The following BIRC6 variants were observed in gnomAD, a reference collection of about 807,000 sequenced individuals.
The protein encoded by BIRC6 is dual E2 ubiquitin-conjugating enzyme/E3 ubiquitin-protein ligase BIRC6.
In BIRC6, 98 loss-of-function variants were observed where a neutral mutation model predicts 503.3. That is an observed-to-expected ratio of 0.19 (90% CI 0.17 to 0.23). The LOEUF (loss-of-function observed/expected upper bound fraction) is 0.23. Ranked by LOEUF, BIRC6 falls within the 10% of genes least tolerant of loss-of-function variation. The probability of loss-of-function intolerance (pLI) is 1.00; values close to 1 mark genes in which losing one functional copy is unlikely to be tolerated. For missense variants in BIRC6, 5,360 were observed against 5,806.0 expected (o/e 0.92, Z 2.50); for synonymous variants, 2,240 against 2,078.7 (o/e 1.08, Z -2.11).
At chr2:32,373,885 T>A (rs1455274957) in intron 1 of BIRC6, among the ~76,000 whole-genome samples, 1 of 152,214 alleles carries the variant, frequency 6.6e-6, no homozygotes, top group Non-Finnish European at 1.5e-5. Context: ...AAGGAAATTC[T>A]GACATAGGCT....
At chr2:32,498,843 A>T (rs750271887) in intron 45 of BIRC6, among the ~76,000 whole-genome samples, 2 of 152,148 alleles carry the variant, frequency 1.3e-5, no homozygotes, top group Non-Finnish European at 2.9e-5. Flanking sequence ...TCTCCTGAGT[A>T]GCTGGAATTA....
chr2:32,446,117 A>G (rs780276655), intron 21 of BIRC6, among the ~76,000 whole-genome samples: 19 of 152,172 alleles, frequency 1.2e-4, no homozygotes, highest in African/African-American at 4.3e-4. Context: ...CAGCCTCCCA[A>G]AGTGCTGGGA....
chr2:32,416,038 A>G lies in BIRC6; in HGVS notation c.2747A>G (p.Asp916Gly), dbSNP rs2042343823. Residue 916 changes from aspartate (D) to glycine (G), a missense_variant, in exon 10 of 74, where the codon GAT (aspartate) becomes GGT (glycine). Physicochemically the swap from Asp to Gly is moderately conservative, Grantham distance 94. Coordinates refer to ENST00000421745, the MANE Select transcript of BIRC6 (RefSeq NM_016252.4). Reference protein sequence around the residue: ...TTQGGYVKILDLSNFEILAKV... With the variant: ...TTQGGYVKILGLSNFEILAKV... ...CAGGGAGGATATGTAAAAATACTAG[A>G]TCTTTCAAACTTTGAAATTTTGGCC... 1 of 1,613,814 alleles carries G rather than the reference A, an allele frequency of 6.2e-7. No homozygotes were observed. The highest frequency in any genetic ancestry group is 8.5e-7 in the Non-Finnish European group (1 of 1,179,868).
chr2:32,549,178 A>G, intron 64 of BIRC6, 135 bp from the exon 65 acceptor site: 1 of 570,010 alleles, frequency 1.8e-6, no homozygotes, highest in East Asian at 3.3e-5. Context: ...ACAAATAATT[A>G]TTTTAAAACA....
Position 32,442,319 on chromosome 2 carries a change from T to G in BIRC6, c.4107-5T>G. ...TGAGTCTAAATGTCTGCTATTGTTT[T>G]GCAGCTCAAAGGAAGGAAATGAGAA... On this transcript the variant is annotated splice_region_variant and splice_polypyrimidine_tract_variant and intron_variant, in intron 18 of 73. Transcript: ENST00000421745. 1 of 1,613,238 alleles carries G rather than the reference T, an allele frequency of 6.2e-7. No individual in the cohort carries two copies. Among genetic ancestry groups the G allele is most frequent in the Non-Finnish European group, 8.5e-7 (1 of 1,179,562 alleles).
chr2:32,617,988 A>G lies in BIRC6; in HGVS notation c.*84A>G. 7.7e-7 allele frequency: 1 copy of G among 1,304,664 alleles called. No individual in the cohort carries two copies. Among genetic ancestry groups the G allele is most frequent in the Non-Finnish European group, 1.0e-6 (1 of 953,318 alleles). 80.8% of individuals were successfully genotyped at this position (1,304,664 alleles called of 1,614,324 possible). ...AATATTTGTATGTAAGAAACTAATTATGTAATAGGTAATGAAACTGAAACT... is the reference window on the plus strand; with the variant it reads ...AATATTTGTATGTAAGAAACTAATTGTGTAATAGGTAATGAAACTGAAACT... On this transcript the variant is annotated 3_prime_UTR_variant, in exon 74 of 74. Coordinates refer to ENST00000421745, the MANE Select transcript of BIRC6 (RefSeq NM_016252.4).
rs987343599 is a variant in BIRC6 at position 32,441,374 on chromosome 2, A to G, written c.3856A>G (p.Lys1286Glu). 6 of 1,605,212 alleles carry G rather than the reference A, an allele frequency of 3.7e-6. No homozygotes were observed. In the East Asian group the frequency reaches 1.3e-4, roughly 36 times the overall value. ...VKNENTSGTR[K>E]SENLRGCDLL... ...GAATGAAAATACAAGTGGCACCCGT[A>G]AATCTGAAAACCTCCGGGGCTGTGA... Residue 1286 changes from lysine to glutamate, a missense_variant, in exon 17 of 74, where the codon AAA (lysine) becomes GAA (glutamate). Lys to Glu is a moderately conservative substitution (Grantham distance 56). Transcript: ENST00000421745.
chr2:32,550,308 A>C (rs1256936512), intron 65 of BIRC6, among the ~76,000 whole-genome samples: 1 of 152,200 alleles, frequency 6.6e-6, no homozygotes. Flanking sequence ...TAAGTGACAC[A>C]GTTGGATGTC....
intron 55 of BIRC6, among the ~76,000 whole-genome samples, chr2:32,517,991 T>A (rs928010325): frequency 1.3e-5 from 2 of 152,254 alleles, no homozygotes; most frequent in Admixed American, 1.3e-4. Flanking sequence ...GCAAACCGTT[T>A]AGTACTAATT....
intron 1 of BIRC6, among the ~76,000 whole-genome samples, chr2:32,374,189 C>T (rs1363905813): frequency 6.6e-6 from 1 of 151,948 alleles, no homozygotes; most frequent in Non-Finnish European, 1.5e-5. Context: ...GTTTATTTTA[C>T]CACAATTAAA....
chr2:32,479,418 A>T (rs1181487764), intron 36 of BIRC6, 44 bp from the exon 37 acceptor site: 3 of 1,534,904 alleles, frequency 2.0e-6, no homozygotes, highest in African/African-American at 2.8e-5. Context: ...ACATTTTCGA[A>T]ATCTGTATAA....
rs538334155 is a variant in BIRC6, at chr2:32,600,363, A to G, written c.13992+463A>G. On this transcript the variant is annotated intron_variant, in intron 70 of 73. Coordinates refer to ENST00000421745, the MANE Select transcript of BIRC6 (RefSeq NM_016252.4). ...TTTTGGATACTTTGATAGAATTTCA[A>G]TGGTAAATTCTGTGCTGAGTATTCA... Among the ~76,000 whole-genome samples the G allele has an allele frequency of 1.6e-4, 25 of 152,310 alleles. No individual in the cohort carries two copies. In the South Asian group the frequency reaches 3.9e-3, roughly 24 times the overall value.
Position 32,611,469 on chromosome 2 carries a change from T to C in BIRC6, c.14281T>C (p.Leu4761=). Residue 4761 remains leucine, a synonymous_variant, in exon 73 of 74, where the codon TTG becomes CTG. Transcript: ENST00000421745. The stretch of plus-strand genomic sequence containing the variant: ...CAAGGTAATACACAAACATTTTTAC[T>C]TGAAAAGAGTTGAGATAATGGCCCA... ...FKEVIHKHFY[L]KRVEIMAQCE... The C allele has an allele frequency of 1.9e-6, 3 of 1,607,980 alleles. No homozygotes were observed. Among genetic ancestry groups the C allele is most frequent in the Non-Finnish European group, 2.6e-6 (3 of 1,176,290 alleles).
intron 15 of BIRC6, 31 bp from the exon 16 acceptor site, chr2:32,439,477 T>G: frequency 6.3e-7 from 1 of 1,585,476 alleles, no homozygotes; most frequent in Non-Finnish European, 8.6e-7. Flanking sequence ...GGTGATTCAG[T>G]TATTTTCCCC....
chr2:32,374,802 C>T (rs552021414), intron 1 of BIRC6, among the ~76,000 whole-genome samples: 3 of 152,064 alleles, frequency 2.0e-5, no homozygotes, highest in South Asian at 4.1e-4. Flanking sequence ...AAGATAGATA[C>T]GGGGTCTGTC....
Position 32,430,871 on chromosome 2 carries a change from A to C in BIRC6, c.3029A>C (p.Asp1010Ala), listed in dbSNP as rs1213281026. Residue 1010 changes from aspartate to alanine, a missense_variant, in exon 12 of 74, where the codon GAT (aspartate) becomes GCT (alanine). By Grantham distance (126) the Asp-to-Ala change is moderately radical (BLOSUM62 -2). Coordinates refer to ENST00000421745, the MANE Select transcript of BIRC6 (RefSeq NM_016252.4). The stretch of plus-strand genomic sequence containing the variant: ...TGCTCTCACTAATGTTAAGGAGTTG[A>C]TTTATTGGTGGACCAGCCATTCACC... ...NPSSPGISGV[D>A]LLVDQPFTLE... The C allele has an allele frequency of 1.0e-5, 15 of 1,431,202 alleles. No individual in the cohort carries two copies. The highest frequency in any genetic ancestry group is 1.3e-5 in the Non-Finnish European group (14 of 1,064,774). 88.7% of individuals were successfully genotyped at this position (1,431,202 alleles called of 1,614,324 possible).
At chr2:32,372,843 GAGAA>G (rs1338710663) in intron 1 of BIRC6, among the ~76,000 whole-genome samples, 2 of 151,550 alleles carry the variant, frequency 1.3e-5, no homozygotes, top group Non-Finnish European at 2.9e-5. Flanking sequence ...AAAAGACAAA[GAGAA>G]AGAAAAAAAA....
intron 57 of BIRC6, chr2:32,522,738 G>T (rs2055860934): frequency 6.6e-6 from 1 of 152,286 alleles, no homozygotes; most frequent in Non-Finnish European, 1.5e-5. Context: ...AAACCCTGGG[G>T]TTGCTTGCCC....
chr2:32,503,983 C>G (rs946881179), intron 49 of BIRC6, among the ~76,000 whole-genome samples: 3 of 126,714 alleles, frequency 2.4e-5, no homozygotes, highest in Middle Eastern at 0.012. Context: ...TCCTGAGTAG[C>G]TGGGATTGCA....
Sources: allele counts gnomAD v4.1 joint callset (sites outside exome capture counted in the v4.1 genomes callset), GRCh38; gene constraint gnomAD v4.1.1; transcripts MANE v1.5; gene names NCBI Gene and HGNC (gene_info 2026-07-23, HGNC 2026-07-21).